Variants in KMT2C observed in about 807,000 individuals in gnomAD.
KMT2C encodes lysine methyltransferase 2C, also known as histone-lysine N-methyltransferase 2C.
KMT2C carries 88 observed loss-of-function variants against 507.9 expected under a neutral mutation model. That is an observed-to-expected ratio of 0.17 (90% CI 0.15 to 0.21). The LOEUF (loss-of-function observed/expected upper bound fraction) is 0.21, where lower values mean the gene tolerates loss of function less well. Ranked by LOEUF, KMT2C falls within the 10% of genes least tolerant of loss-of-function variation. KMT2C has a pLI of 1.00. For missense variants in KMT2C, 4,954 were observed against 5,957.8 expected, an observed-to-expected ratio of 0.83 and a Z score of 5.55; for synonymous variants, 2,049 against 2,080.8, an observed-to-expected ratio of 0.98 and a Z score of 0.42.
chr7:152,319,178 G>A (rs1300905998), intron 3 of KMT2C, among the ~76,000 whole-genome samples: 7 of 152,140 alleles, frequency 4.6e-5, no homozygotes, highest in East Asian at 1.9e-4. Flanking sequence ...CCCAGGTGCC[G>A]AGGCAAGAGA....
chr7:152,407,989 T>C (rs1394574097), intron 1 of KMT2C, among the ~76,000 whole-genome samples: 1 of 152,310 alleles, frequency 6.6e-6, no homozygotes, highest in African/African-American at 2.4e-5. Flanking sequence ...AGCTTTACTT[T>C]TGTAATAGTG....
chr7:152,275,331 T>C (rs1282491456), intron 6 of KMT2C, among the ~76,000 whole-genome samples: 3 of 152,076 alleles, frequency 2.0e-5, no homozygotes, highest in East Asian at 1.9e-4. Flanking sequence ...GATCACGAGG[T>C]CAGGAGATCG....
At chr7:152,251,456 C>A (rs1470620911) in intron 11 of KMT2C, among the ~76,000 whole-genome samples, 1 of 152,066 alleles carries the variant, frequency 6.6e-6, no homozygotes, top group Non-Finnish European at 1.5e-5. Context: ...AAATGAAAAA[C>A]AATCTGGCGA....
intron 15 of KMT2C, among the ~76,000 whole-genome samples, chr7:152,237,064 TG>T (rs2095288765): frequency 6.6e-6 from 1 of 152,148 alleles, no homozygotes; most frequent in Non-Finnish European, 1.5e-5. Context: ...CCCTCACCCT[TG>T]TTTGTACTAA....
chr7:152,276,648 G>A (rs1243317856), intron 6 of KMT2C, among the ~76,000 whole-genome samples: 4 of 151,940 alleles, frequency 2.6e-5, no homozygotes, highest in South Asian at 2.1e-4. Context: ...AGCTACTCAC[G>A]AGCCTGGGGT....
At position 152,148,384 on chromosome 7, in the gene KMT2C, C is replaced by T. The variant is rs1431082369; in HGVS notation, c.13543G>A (p.Glu4515Lys). The change falls in exon 52 of 59, where the codon GAA becomes AAA. Residue 4515 changes from glutamate to lysine, a missense_variant. Physicochemically the swap from Glu to Lys is moderately conservative, Grantham distance 56. This residue lies in a region of KMT2C where 221 missense variants were observed against 304.7 expected (regional missense o/e 0.73). Coordinates refer to ENST00000262189, the MANE Select transcript of KMT2C (RefSeq NM_170606.3). The surrounding 1 kb of genome is among the most constrained non-coding windows in gnomAD (Gnocchi z 7.1). Reference sequence around the variant, plus strand: ...CTGAAGACTGCAAAGTAACTTAATTCTTGCTCATGAATTCCCTTTGGTTTG... The same window carrying T: ...CTGAAGACTGCAAAGTAACTTAATTTTTGCTCATGAATTCCCTTTGGTTTG... ...MHKPKGIHEQ[E>K]LSYFAVFRRV... 1 of 1,614,264 alleles carries T rather than the reference C, an allele frequency of 6.2e-7. No homozygotes were observed. The highest frequency in any genetic ancestry group is 2.2e-5 in the East Asian group (1 of 44,892).
intron 34 of KMT2C, among the ~76,000 whole-genome samples, chr7:152,185,148 C>T (rs1043244392): frequency 6.6e-6 from 1 of 152,144 alleles, no homozygotes; most frequent in South Asian, 2.1e-4. Context: ...GTTTTAAAAA[C>T]AATGACAAGG....
chr7:152,227,174 T>A (rs1310919366), intron 18 of KMT2C, among the ~76,000 whole-genome samples: 2 of 152,248 alleles, frequency 1.3e-5, no homozygotes, highest in Non-Finnish European at 2.9e-5. Context: ...AACATTAGTG[T>A]TTGTGTTTCT....
At chr7:152,418,375 G>C (rs1342354607) in intron 1 of KMT2C, among the ~76,000 whole-genome samples, 1 of 152,212 alleles carries the variant, frequency 6.6e-6, no homozygotes, top group Non-Finnish European at 1.5e-5. Flanking sequence ...AGTAGGGTGA[G>C]AAGAGGAAAA....
chr7:152,236,473 G>A (rs1317061333), intron 15 of KMT2C, among the ~76,000 whole-genome samples: 2 of 152,124 alleles, frequency 1.3e-5, no homozygotes, highest in Non-Finnish European at 2.9e-5. Context: ...ACTTGTCCAA[G>A]GTCACTTAGC....
intron 23 of KMT2C, among the ~76,000 whole-genome samples, chr7:152,210,387 T>A (rs1286327205): frequency 2.0e-5 from 3 of 152,230 alleles, no homozygotes; most frequent in Non-Finnish European, 4.4e-5. Context: ...CCAGTCTCCA[T>A]CTTTAGTTCT....
At chr7:152,387,576 T>C (rs1207843673) in intron 1 of KMT2C, among the ~76,000 whole-genome samples, 1 of 151,376 alleles carries the variant, frequency 6.6e-6, no homozygotes, top group Non-Finnish European at 1.5e-5. Context: ...GTTCACGCCA[T>C]TCTCCTGCCT....
chr7:152,393,401 A>G (rs2097515431), intron 1 of KMT2C, among the ~76,000 whole-genome samples: 1 of 152,196 alleles, frequency 6.6e-6, no homozygotes, highest in Admixed American at 6.5e-5. Flanking sequence ...TGCAAAAATT[A>G]TTTACAAATC....
At chr7:152,342,485 TC>T (rs1426191725) in intron 2 of KMT2C, among the ~76,000 whole-genome samples, 7 of 151,944 alleles carry the variant, frequency 4.6e-5, no homozygotes, top group Admixed American at 3.3e-4. Context: ...AACTGAAAAA[TC>T]AACAACTCTT....
chr7:152,151,311 G>A lies in KMT2C; in HGVS notation c.12666+131C>T, dbSNP rs536785937. On this transcript the variant is annotated intron_variant, in intron 50 of 58. Coordinates refer to ENST00000262189, the MANE Select transcript of KMT2C (RefSeq NM_170606.3). ...GCCCAAGCACATCTGATATACGCTG[G>A]TGCCATCACCAGGAACATGTGTCCA... 3.8e-5 allele frequency: 35 copies of A among 909,480 alleles called. No individual in the cohort carries two copies. In the African/African-American group the frequency reaches 4.3e-4, roughly 11 times the overall value. 56.3% of individuals were successfully genotyped at this position (909,480 alleles called of 1,614,324 possible).
intron 2 of KMT2C, among the ~76,000 whole-genome samples, chr7:152,333,817 T>C (rs960152736): frequency 1.3e-4 from 20 of 152,130 alleles, no homozygotes; most frequent in African/African-American, 4.8e-4. Flanking sequence ...TTGGTTTTCA[T>C]ACTTAAAATA....
At chr7:152,212,734 T>G (rs185083204) in intron 23 of KMT2C, among the ~76,000 whole-genome samples, 1 of 152,124 alleles carries the variant, frequency 6.6e-6, no homozygotes, top group Admixed American at 6.5e-5. Context: ...CTATAAAATA[T>G]TGACAAAAGA....
In KMT2C at chr7:152,164,446, C is replaced by T. The variant is rs943378626; in HGVS notation, c.9751-620G>A. Among the ~76,000 whole-genome samples, 13 of 151,950 alleles carry T rather than the reference C, an allele frequency of 8.6e-5. 1 individual carries two copies. Among genetic ancestry groups the T allele is most frequent in the Admixed American group, 4.6e-4 (7 of 15,266 alleles). ...CTGGGACTACAGGCGCCCGCTACCA[C>T]GCCCGGCTAATTTTTTGTATTTTTA... On this transcript the variant is annotated intron_variant, in intron 42 of 58. Coordinates refer to ENST00000262189, the MANE Select transcript of KMT2C (RefSeq NM_170606.3).
At chr7:152,201,139 T>C (rs2094124111) in intron 26 of KMT2C, among the ~76,000 whole-genome samples, 1 of 152,288 alleles carries the variant, frequency 6.6e-6, no homozygotes, top group Non-Finnish European at 1.5e-5. Context: ...ATGACTTTAC[T>C]GGTGTTTATC....
Sources: allele counts gnomAD v4.1 joint callset (sites outside exome capture counted in the v4.1 genomes callset), GRCh38; gene constraint gnomAD v4.1.1; regional missense constraint gnomAD v4.1.1; non-coding constraint Gnocchi (gnomAD v3.1); transcripts MANE v1.5; gene names NCBI Gene and HGNC (gene_info 2026-07-23, HGNC 2026-07-21).